Variants in BLTP1 observed in about 807,000 individuals in gnomAD.
The protein encoded by BLTP1 is bridge-like lipid transfer protein family member 1, also known as fragile site-associated protein.
At chr4:122,291,717 C>A in the BLTP1 span, 4 of 978,204 alleles carry the variant, frequency 4.1e-6, no homozygotes, top group Non-Finnish European at 4.9e-6. Flanking sequence ...AGGAGGTTAC[C>A]ATCTTAGAAT....
chr4:122,328,121 A>G, the BLTP1 span: 24 of 1,603,850 alleles, frequency 1.5e-5, no homozygotes, highest in African/African-American at 1.3e-5. Flanking sequence ...AGGAGACAGA[A>G]CTGGACCTTT....
At chr4:122,273,106 T>C in the BLTP1 span, 939 of 564,090 alleles carry the variant, frequency 1.7e-3, 13 homozygotes, top group African/African-American at 0.017. Flanking sequence ...AGTGTGGTTT[T>C]TTTTCTGGTT....
At chr4:122,224,765 A>T in the BLTP1 span, 1 of 1,604,832 alleles carries the variant, frequency 6.2e-7, no homozygotes, top group Non-Finnish European at 8.5e-7. Flanking sequence ...TGCCTGTTTG[A>T]ATGTTCATTG....
the BLTP1 span, chr4:122,356,819 A>C: frequency 6.4e-7 from 1 of 1,565,632 alleles, no homozygotes; most frequent in Admixed American, 1.8e-5. Context: ...CATTTACATG[A>C]ATTGTTATGG....
the BLTP1 span, chr4:122,269,048 C>T: frequency 1.1e-6 from 1 of 890,396 alleles, no homozygotes; most frequent in Non-Finnish European, 1.3e-6. Flanking sequence ...ATATTGGAAC[C>T]ATCAAATCCA....
chr4:122,299,948 G>GTACAAAGACACATATAATC, the BLTP1 span: 1 of 983,018 alleles, frequency 1.0e-6, no homozygotes, highest in Non-Finnish European at 1.2e-6. Flanking sequence ...GGCACTAAGT[G>GTACAAAGACACATATAATC]TACAAAGACA....
At chr4:122,312,389 A>G in the BLTP1 span, among the ~76,000 whole-genome samples, 1 of 152,128 alleles carries the variant, frequency 6.6e-6, no homozygotes, top group Non-Finnish European at 1.5e-5. Flanking sequence ...GGAAATCCTA[A>G]AAGTTTTCTT....
At chr4:122,359,802 A>G in the BLTP1 span, 17 of 1,500,934 alleles carry the variant, frequency 1.1e-5, no homozygotes, top group East Asian at 3.5e-4. Flanking sequence ...TAAGTTACAT[A>G]TGATTATCAA....
At chr4:122,249,397 AC>A in the BLTP1 span, 1 of 1,531,660 alleles carries the variant, frequency 6.5e-7, no homozygotes, top group Non-Finnish European at 8.8e-7. Flanking sequence ...TTTAAAGACA[AC>A]CAGTGTGCCA....
the BLTP1 span, chr4:122,182,672 C>G: frequency 1.0e-6 from 1 of 985,340 alleles, no homozygotes; most frequent in South Asian, 4.7e-5. Context: ...AAACCATGAC[C>G]CTGTTGGGAC....
At chr4:122,250,698 T>C in the BLTP1 span, 6 of 957,892 alleles carry the variant, frequency 6.3e-6, no homozygotes, top group Non-Finnish European at 9.3e-6. Flanking sequence ...GGATTTATGA[T>C]ATCTGCTTAA....
the BLTP1 span, chr4:122,198,144 G>T: frequency 1.0e-6 from 1 of 984,030 alleles, no homozygotes; most frequent in Non-Finnish European, 1.2e-6. Flanking sequence ...TAAAGTGGTA[G>T]CATTCAGGCC....
At chr4:122,294,415 T>C in the BLTP1 span, among the ~76,000 whole-genome samples, 1 of 152,210 alleles carries the variant, frequency 6.6e-6, no homozygotes. Context: ...GCTGTCATCT[T>C]TGCTGTTTCA....
the BLTP1 span, among the ~76,000 whole-genome samples, chr4:122,285,746 AG>A: frequency 6.6e-6 from 1 of 152,228 alleles, no homozygotes; most frequent in East Asian, 1.9e-4. Context: ...GGTAATGTGC[AG>A]AAGAATATCA....
At chr4:122,210,284 A>G in the BLTP1 span, among the ~76,000 whole-genome samples, 1 of 152,168 alleles carries the variant, frequency 6.6e-6, no homozygotes. Flanking sequence ...GAAACAAGGT[A>G]TGTGTGAATC....
chr4:122,352,319 C>T, the BLTP1 span, among the ~76,000 whole-genome samples: 1 of 149,110 alleles, frequency 6.7e-6, no homozygotes, highest in East Asian at 2.0e-4. Flanking sequence ...CTTTGTAACT[C>T]ATTAATCATT....
At chr4:122,316,533 A>G in the BLTP1 span, 1 of 617,490 alleles carries the variant, frequency 1.6e-6, no homozygotes, top group South Asian at 1.5e-5. Flanking sequence ...CATGCAGAGC[A>G]CACTCATGGG....
chr4:122,275,840 T>C, the BLTP1 span: 58 of 1,100,652 alleles, frequency 5.3e-5, no homozygotes, highest in Non-Finnish European at 6.3e-5. Context: ...AATGGTACTT[T>C]AAAGGAACAT....
the BLTP1 span, chr4:122,254,667 A>G: frequency 3.4e-6 from 4 of 1,193,668 alleles, no homozygotes; most frequent in Non-Finnish European, 3.2e-6. Context: ...TTATGCTTTC[A>G]TAATTTATCA....
Sources: gnomAD v4.1 joint callset for allele counts (sites outside exome capture counted in the v4.1 genomes callset) on GRCh38, gnomAD v4.1.1 for gene constraint, MANE v1.5 for transcripts, NCBI Gene and HGNC (gene_info 2026-07-23, HGNC 2026-07-21) for gene names.